The following SENP5 variants were observed in gnomAD, a reference collection of about 807,000 sequenced individuals.
SENP5 encodes SUMO specific peptidase 5.
Under a neutral mutation model 74.2 loss-of-function variants are expected in SENP5, and 21 were observed. The observed-to-expected ratio is 0.28, with a 90% CI of 0.20 to 0.41. The LOEUF (loss-of-function observed/expected upper bound fraction) is 0.41, where lower values mean the gene tolerates loss of function less well. Ranked by LOEUF, SENP5 falls within the 10% of genes least tolerant of loss-of-function variation. The pLI is 1.00. For synonymous variants in SENP5, 311 were observed against 312.7 expected, an observed-to-expected ratio of 0.99 and a Z score of 0.06; for missense variants, 717 against 889.1, an observed-to-expected ratio of 0.81 and a Z score of 2.46.
At chr3:196,875,672 GA>G (rs1713431783) in intron 1 of SENP5, among the ~76,000 whole-genome samples, 1 of 152,046 alleles carries the variant, frequency 6.6e-6, no homozygotes, top group Non-Finnish European at 1.5e-5. Flanking sequence ...GGTGTTTCCT[GA>G]CCCTTTTGCC....
chr3:196,918,404 T>A (rs1715474685), intron 6 of SENP5, among the ~76,000 whole-genome samples: 1 of 151,548 alleles, frequency 6.6e-6, no homozygotes, highest in South Asian at 2.1e-4. Flanking sequence ...GACTTTTTTT[T>A]TTTTTGGTAA....
intron 2 of SENP5, among the ~76,000 whole-genome samples, chr3:196,895,182 T>C (rs918223201): frequency 1.9e-4 from 28 of 144,058 alleles, no homozygotes; most frequent in African/African-American, 7.1e-4. Context: ...GATGGCTACT[T>C]TTAACTTCTT....
chr3:196,886,223 C>A lies in SENP5; in HGVS notation c.1042C>A (p.Gln348Lys). 2 of 1,614,176 alleles carry A rather than the reference C, an allele frequency of 1.2e-6. No individual in the cohort carries two copies. The highest frequency in any genetic ancestry group is 1.7e-6 in the Non-Finnish European group (2 of 1,180,004). The change falls in exon 2 of 10, where the codon CAG becomes AAG. Residue 348 changes from glutamine to lysine, a missense_variant. By Grantham distance (53) the Gln-to-Lys change is moderately conservative. Around this residue, in one of 4 missense-constraint regions of SENP5, gnomAD observed 567 missense variants for 577.4 expected, o/e 0.98. Transcript: ENST00000323460. ...LSLDEAFPDQ[Q>K]NGSATNAWDQ... Reference sequence around the variant, plus strand: ...TTTAGACGAAGCATTCCCTGACCAACAGAATGGCAGTGCCACAAACGCCTG... The same window carrying A: ...TTTAGACGAAGCATTCCCTGACCAAAAGAATGGCAGTGCCACAAACGCCTG...
intron 2 of SENP5, among the ~76,000 whole-genome samples, chr3:196,888,875 G>A (rs1371334487): frequency 6.6e-6 from 1 of 152,090 alleles, no homozygotes; most frequent in Non-Finnish European, 1.5e-5. Flanking sequence ...CCAGCACTTT[G>A]GGAGGCCGAG....
Position 196,886,351 on chromosome 3 carries a change from T to C in SENP5, c.1170T>C (p.Thr390=). The C allele has an allele frequency of 5.6e-6, 9 of 1,613,418 alleles. No homozygotes were observed. Among genetic ancestry groups the C allele is most frequent in the East Asian group, 2.2e-5 (1 of 44,872 alleles). ...CTAATACCATGTTCATTTCAGAAAC[T>C]GAAAGAGAAATTATGACTCTGGGTC... ...HRSNTMFISE[T]EREIMTLGQE... is the part of the protein sequence containing the mutation. The change falls in exon 2 of 10, where the codon ACT becomes ACC. Residue 390 remains threonine (T), a synonymous_variant. Coordinates refer to ENST00000323460, the MANE Select transcript of SENP5 (RefSeq NM_152699.5).
intron 1 of SENP5, among the ~76,000 whole-genome samples, chr3:196,877,838 A>G (rs1327220911): frequency 6.6e-6 from 1 of 152,208 alleles, no homozygotes; most frequent in African/African-American, 2.4e-5. Context: ...TTTGGTGTAT[A>G]TGCTTTTAGA....
At chr3:196,927,239 T>C (rs1715847867) in intron 7 of SENP5, among the ~76,000 whole-genome samples, 1 of 152,242 alleles carries the variant, frequency 6.6e-6, no homozygotes, top group Non-Finnish European at 1.5e-5. Flanking sequence ...TTATTAATGA[T>C]GTCTGCCATG....
At chr3:196,871,396 C>T in intron 1 of SENP5, among the ~76,000 whole-genome samples, 1 of 152,230 alleles carries the variant, frequency 6.6e-6, no homozygotes, top group East Asian at 1.9e-4. Context: ...CCCAGGGTTA[C>T]AGTTTCAATC....
intron 6 of SENP5, among the ~76,000 whole-genome samples, chr3:196,907,142 A>C (rs1433978786): frequency 1.3e-5 from 2 of 152,166 alleles, no homozygotes; most frequent in Admixed American, 1.3e-4. Flanking sequence ...GTACAGTCAT[A>C]TAATTGGATG....
At chr3:196,874,924 T>G (rs902909358) in intron 1 of SENP5, among the ~76,000 whole-genome samples, 22 of 152,186 alleles carry the variant, frequency 1.4e-4, no homozygotes, top group African/African-American at 5.1e-4. Flanking sequence ...GTACATTCTC[T>G]CATTCTCTTC....
At chr3:196,899,485 C>G (rs1250945150) in intron 2 of SENP5, among the ~76,000 whole-genome samples, 181 bp from the exon 3 acceptor site, 2 of 151,976 alleles carry the variant, frequency 1.3e-5, no homozygotes, top group African/African-American at 2.4e-5. Context: ...TGGTTAGAGC[C>G]TAATATATTT....
intron 2 of SENP5, among the ~76,000 whole-genome samples, chr3:196,896,121 T>C (rs1446447339): frequency 6.6e-6 from 1 of 152,196 alleles, no homozygotes; most frequent in Admixed American, 6.5e-5. Context: ...AAATTGTATA[T>C]ACCAAGTGCA....
At chr3:196,894,061 TATAAA>T (rs1373754636) in intron 2 of SENP5, among the ~76,000 whole-genome samples, 4 of 151,354 alleles carry the variant, frequency 2.6e-5, no homozygotes, top group Non-Finnish European at 5.9e-5. Context: ...TGTTTCCACA[TATAAA>T]GTAAATGTTT....
At chr3:196,895,391 T>G (rs1395664427) in intron 2 of SENP5, among the ~76,000 whole-genome samples, 1 of 151,796 alleles carries the variant, frequency 6.6e-6, no homozygotes, top group Non-Finnish European at 1.5e-5. Flanking sequence ...TTCCACCATG[T>G]TAGCCAGGAT....
At chr3:196,925,415 A>G (rs987331072) in intron 7 of SENP5, among the ~76,000 whole-genome samples, 4 of 152,096 alleles carry the variant, frequency 2.6e-5, no homozygotes, top group Admixed American at 6.5e-5. Context: ...CTCTCAACCA[A>G]CATATTCCCA....
chr3:196,912,038 A>G (rs1715155255), intron 6 of SENP5, among the ~76,000 whole-genome samples: 1 of 152,242 alleles, frequency 6.6e-6, no homozygotes, highest in African/African-American at 2.4e-5. Context: ...TCAAGGATCT[A>G]GAACCAGAAA....
At chr3:196,927,692 A>G in intron 7 of SENP5, 104 bp from the exon 8 acceptor site, 1 of 635,462 alleles carries the variant, frequency 1.6e-6, no homozygotes, top group Non-Finnish European at 2.8e-6. Flanking sequence ...CTGCCCAGTT[A>G]TGGGGCCACA....
intron 1 of SENP5, among the ~76,000 whole-genome samples, chr3:196,879,593 A>G (rs1205496620): frequency 6.6e-6 from 1 of 152,054 alleles, no homozygotes; most frequent in Non-Finnish European, 1.5e-5. Context: ...TTTTACTGTT[A>G]TCTTTAGTAT....
chr3:196,895,357 T>G (rs1714399176), intron 2 of SENP5, among the ~76,000 whole-genome samples: 1 of 151,756 alleles, frequency 6.6e-6, no homozygotes, highest in South Asian at 2.1e-4. Context: ...GGCTAATTTT[T>G]TGTATTTTTT....
Sources: gnomAD v4.1 joint callset for allele counts (sites outside exome capture counted in the v4.1 genomes callset) on GRCh38, gnomAD v4.1.1 for gene constraint, gnomAD v4.1.1 regional missense constraint, MANE v1.5 for transcripts, NCBI Gene and HGNC (gene_info 2026-07-23, HGNC 2026-07-21) for gene names.